Variants in GRIP2 observed in about 807,000 individuals in gnomAD.
GRIP2 encodes glutamate receptor-interacting protein 2.
Under a neutral mutation model 108.3 loss-of-function variants are expected in GRIP2, and 58 were observed. The ratio of observed to expected loss-of-function variants is 0.54; its 90% confidence interval spans 0.43 to 0.67. The LOEUF (loss-of-function observed/expected upper bound fraction) is 0.67. Ranked by LOEUF, GRIP2 falls within the 30% of genes least tolerant of loss-of-function variation. GRIP2 has a pLI of 0.00. For synonymous variants in GRIP2, 586 were observed against 598.2 expected (o/e 0.98, Z 0.30); for missense variants, 1,278 against 1,430.6 (o/e 0.89, Z 1.72).
At chr3:14,588,309 A>T in the GRIP2 span, among the ~76,000 whole-genome samples, 2 of 152,210 alleles carry the variant, frequency 1.3e-5, no homozygotes, top group African/African-American at 4.8e-5. Context: ...CTCAAGCCAG[A>T]GTCTGACTCC....
At chr3:14,558,243 C>T (rs1396425801), upstream of GRIP2, among the ~76,000 whole-genome samples, 6 of 152,202 alleles carry the variant, frequency 3.9e-5, no homozygotes, top group Non-Finnish European at 5.9e-5. Context: ...GGTCTCAGGT[C>T]CTAGCCACCA....
the GRIP2 span, among the ~76,000 whole-genome samples, chr3:14,595,098 A>G: frequency 6.6e-6 from 1 of 151,382 alleles, no homozygotes; most frequent in African/African-American, 2.4e-5. Context: ...GTGTCTCACT[A>G]TGTTGCCCAG....
chr3:14,563,462 CG>C, the GRIP2 span, among the ~76,000 whole-genome samples: 1 of 149,778 alleles, frequency 6.7e-6, no homozygotes, highest in East Asian at 2.0e-4. Flanking sequence ...CCTTGGTGGG[CG>C]GGGGCTGGGG....
the GRIP2 span, among the ~76,000 whole-genome samples, chr3:14,567,473 A>T: frequency 2.6e-5 from 4 of 152,100 alleles, no homozygotes; most frequent in Non-Finnish European, 5.9e-5. Context: ...ATCCCAGGAA[A>T]CATGGCATCC....
intron 2 of GRIP2, 82 bp from the exon 3 acceptor site, chr3:14,525,654 A>C: frequency 1.9e-6 from 3 of 1,551,940 alleles, no homozygotes; most frequent in Non-Finnish European, 1.8e-6. Context: ...CGAGGCGAGC[A>C]CCTGGTTGGT....
intron 20 of GRIP2, 99 bp from the exon 21 acceptor site, chr3:14,503,770 G>C (rs1048134578): frequency 1.2e-5 from 4 of 346,288 alleles, no homozygotes; most frequent in African/African-American, 9.1e-5. Context: ...CGTTGGGCTC[G>C]AGGGGCCATA....
chr3:14,494,787 C>A, intron 23 of GRIP2, 56 bp downstream of exon 23: 1 of 1,558,470 alleles, frequency 6.4e-7, no homozygotes, highest in Non-Finnish European at 8.7e-7. Context: ...TCTTTCCCCA[C>A]CCTCAGGCTA....
At chr3:14,565,451 C>A in the GRIP2 span, among the ~76,000 whole-genome samples, 1 of 152,242 alleles carries the variant, frequency 6.6e-6, no homozygotes, top group Admixed American at 6.5e-5. Flanking sequence ...GCTTCTCAGG[C>A]CCTCACAAAC....
chr3:14,574,372 C>T, the GRIP2 span: 2 of 928,672 alleles, frequency 2.2e-6, no homozygotes, highest in African/African-American at 3.3e-5. Context: ...CGCCGCGGCC[C>T]CGCGGTGCTC....
chr3:14,579,096 C>T, the GRIP2 span, among the ~76,000 whole-genome samples: 1 of 152,168 alleles, frequency 6.6e-6, no homozygotes, highest in Non-Finnish European at 1.5e-5. Flanking sequence ...TGGATGAACG[C>T]TCTGAGGTAC....
At position 14,512,552 on chromosome 3, in the gene GRIP2, G is replaced by A. The variant is rs1297147662; in HGVS notation, c.1720+225C>T. 1.3e-5 allele frequency among the ~76,000 whole-genome samples: 2 copies of A among 152,152 alleles called. No individual in the cohort carries two copies. Among genetic ancestry groups the A allele is most frequent in the Non-Finnish European group, 2.9e-5 (2 of 68,024 alleles). On this transcript the variant is annotated intron_variant, in intron 14 of 23. Transcript: ENST00000621039. This position sits in a 1 kb window ranked among gnomAD's most constrained non-coding sequence, Gnocchi z 5.1. Reference sequence around the variant, plus strand: ...CCCCTGGGAGACCCACGAGGCCAGGGGACTGCCATGGTGCAGAACGGGAAG... The same window carrying A: ...CCCCTGGGAGACCCACGAGGCCAGGAGACTGCCATGGTGCAGAACGGGAAG...
Position 14,522,731 on chromosome 3 carries a change from G to A in GRIP2, c.566+269C>T. 1 of 464,448 alleles carries A rather than the reference G, an allele frequency of 2.2e-6. No individual in the cohort carries two copies. The highest frequency in any genetic ancestry group is 3.9e-6 in the Non-Finnish European group (1 of 256,836). 28.8% of individuals were successfully genotyped at this position (464,448 alleles called of 1,614,324 possible). A position where few individuals can be genotyped will look rare whatever the true frequency, so the allele number is the denominator to read the frequency against. On this transcript the variant is annotated intron_variant, in intron 6 of 23. Transcript: ENST00000621039. The surrounding 1 kb of genome is among the most constrained non-coding windows in gnomAD (Gnocchi z 4.3). ...ACGGGAAAACCAAGGAGCAGGAAAG[G>A]GAAGAACGACACCAAGGCTGCCCCT... is the stretch of plus-strand genomic sequence containing the variant.
chr3:14,547,225 T>C lies in GRIP2; in HGVS notation c.55+8675A>G, dbSNP rs113385521. Among the ~76,000 whole-genome samples, 565 of 152,306 alleles carry C rather than the reference T, an allele frequency of 3.7e-3. 4 individuals carry two copies. Among genetic ancestry groups the C allele is most frequent in the Non-Finnish European group, 6.8e-3 (465 of 68,026 alleles). ...GAAAGAAGAGAGACAGAATGAGATC[T>C]ACCCCGTGGTATCATTTATGTATTG... is the stretch of plus-strand genomic sequence containing the variant. On this transcript the variant is annotated intron_variant, in intron 1 of 23. Coordinates refer to the GRIP2 transcript ENST00000637182.
At chr3:14,499,795 G>A (rs1428786892) in intron 21 of GRIP2, among the ~76,000 whole-genome samples, 3 of 152,078 alleles carry the variant, frequency 2.0e-5, no homozygotes, top group Admixed American at 6.6e-5. Flanking sequence ...GTTTACAGGG[G>A]TGTCCAAACT....
chr3:14,540,352 C>A (rs770643163), upstream of GRIP2: 3 of 1,612,414 alleles, frequency 1.9e-6, no homozygotes, highest in South Asian at 3.3e-5. This position sits in a 1 kb window ranked among gnomAD's most constrained non-coding sequence, Gnocchi z 4.1. Context: ...CCCTCGGGAG[C>A]CACGCTGCTT....
At chr3:14,566,462 C>A in the GRIP2 span, among the ~76,000 whole-genome samples, 18 of 152,214 alleles carry the variant, frequency 1.2e-4, no homozygotes, top group Admixed American at 1.0e-3. Flanking sequence ...GGATCCATAC[C>A]CACCACGCTG....
At chr3:14,586,030 C>G in the GRIP2 span, among the ~76,000 whole-genome samples, 2 of 152,216 alleles carry the variant, frequency 1.3e-5, no homozygotes, top group African/African-American at 4.8e-5. Context: ...CACTCTCCGG[C>G]TTTCTCACAG....
chr3:14,534,732 C>T (rs1694792742), intron 1 of GRIP2, among the ~76,000 whole-genome samples: 1 of 152,176 alleles, frequency 6.6e-6, no homozygotes, highest in Admixed American at 6.5e-5. Context: ...GCACCTGGTA[C>T]TCAGGCCCAC....
At chr3:14,555,355 G>A (rs1290081948) in intron 1 of GRIP2, among the ~76,000 whole-genome samples, 1 of 150,404 alleles carries the variant, frequency 6.6e-6, no homozygotes, top group East Asian at 1.9e-4. Context: ...GGAGAGAAAA[G>A]GCTGCTGGGG....
Sources: gnomAD v4.1 joint callset for allele counts (sites outside exome capture counted in the v4.1 genomes callset) on GRCh38, gnomAD v4.1.1 for gene constraint, Gnocchi (gnomAD v3.1) non-coding constraint, MANE v1.5 for transcripts, NCBI Gene and HGNC (gene_info 2026-07-23, HGNC 2026-07-21) for gene names.